LAMA2: variants seen among roughly 807,000 people sequenced by gnomAD.
The protein encoded by LAMA2 is laminin subunit alpha 2, also known as laminin subunit alpha-2.
A neutral mutation model predicts 364.8 loss-of-function variants in LAMA2; 269 were observed. That is an observed-to-expected ratio of 0.74 (90% CI 0.67 to 0.82). LAMA2 has a LOEUF of 0.82. Ranked by LOEUF, LAMA2 falls within the 40% of genes least tolerant of loss-of-function variation. LAMA2 has a pLI of 0.00. For missense variants in LAMA2, 3,807 were observed against 3,873.2 expected (o/e 0.98, Z 0.45); for synonymous variants, 1,379 against 1,370.6 (o/e 1.01, Z -0.14).
At chr6:129,471,036 C>T (rs1783786527) in intron 51 of LAMA2, among the ~76,000 whole-genome samples, 1 of 151,818 alleles carries the variant, frequency 6.6e-6, no homozygotes, top group African/African-American at 2.4e-5. Flanking sequence ...AAAGTAAAAA[C>T]ACTTAGCTTA....
chr6:129,409,117 G>A (rs1302944892), intron 40 of LAMA2, among the ~76,000 whole-genome samples: 1 of 152,176 alleles, frequency 6.6e-6, no homozygotes, highest in Non-Finnish European at 1.5e-5. Context: ...TTCCAAGCAA[G>A]TGCACAACCA....
chr6:129,096,646 TG>T (rs768868755), intron 3 of LAMA2, among the ~76,000 whole-genome samples: 4 of 152,204 alleles, frequency 2.6e-5, no homozygotes, highest in Non-Finnish European at 5.9e-5. Flanking sequence ...CTTGCTATGC[TG>T]GGGTCAATCA....
intron 1 of LAMA2, among the ~76,000 whole-genome samples, chr6:128,974,631 C>G (rs964880236): frequency 6.6e-6 from 1 of 152,190 alleles, no homozygotes; most frequent in African/African-American, 2.4e-5. Flanking sequence ...CATTCACACT[C>G]TTCTGCCAAT....
At chr6:129,189,964 A>G (rs1230915087) in intron 10 of LAMA2, among the ~76,000 whole-genome samples, 1 of 152,170 alleles carries the variant, frequency 6.6e-6, no homozygotes, top group African/African-American at 2.4e-5. Context: ...GAAGATCAAC[A>G]TAGTCACTTT....
At chr6:129,149,717 A>T (rs554164018) in intron 7 of LAMA2, among the ~76,000 whole-genome samples, 125 of 152,322 alleles carry the variant, frequency 8.2e-4, no homozygotes, top group Non-Finnish European at 1.0e-3. Context: ...TTCTCCATCC[A>T]TGGGTCTAAC....
At chr6:129,239,227 C>A (rs957366323) in intron 12 of LAMA2, among the ~76,000 whole-genome samples, 6 of 152,168 alleles carry the variant, frequency 3.9e-5, no homozygotes, top group African/African-American at 1.4e-4. Flanking sequence ...CTAAGTAATT[C>A]ACTCCTGTCA....
At position 129,312,954 on chromosome 6, in the gene LAMA2, T is replaced by C. The variant is rs1583469863; in HGVS notation, c.3268T>C (p.Cys1090Arg). ...TCATCCAAAATTCTCTGGTGCAAAA[T>C]GTACAGAGTGCAGTCGAGGTCACTG... ...NCHPKFSGAK[C>R]TECSRGHWNY... The change falls in exon 23 of 65, where the codon TGT becomes CGT. Residue 1090 changes from cysteine (C) to arginine (R), a missense_variant. Around this residue, in one of 3 missense-constraint regions of LAMA2, gnomAD observed 3,333 missense variants for 3,345.7 expected, o/e 1.00. Coordinates refer to ENST00000421865, the MANE Select transcript of LAMA2 (RefSeq NM_000426.4). The C allele has an allele frequency of 6.2e-7, 1 of 1,614,154 alleles. No individual in the cohort carries two copies. The highest frequency in any genetic ancestry group is 8.5e-7 in the Non-Finnish European group (1 of 1,180,002).
intron 32 of LAMA2, among the ~76,000 whole-genome samples, chr6:129,362,796 G>C (rs1777541934): frequency 6.6e-6 from 1 of 152,110 alleles, no homozygotes; most frequent in Non-Finnish European, 1.5e-5. Context: ...AGTAATTTTA[G>C]AATCATCAGG....
chr6:129,401,949 T>C (rs1361647042), intron 38 of LAMA2, among the ~76,000 whole-genome samples: 1 of 152,190 alleles, frequency 6.6e-6, no homozygotes, highest in Non-Finnish European at 1.5e-5. Flanking sequence ...GGCTCATGCC[T>C]GTAATCCCAG....
chr6:129,426,933 T>C (rs1314010075), intron 40 of LAMA2, among the ~76,000 whole-genome samples: 1 of 152,206 alleles, frequency 6.6e-6, no homozygotes, highest in Non-Finnish European at 1.5e-5. Context: ...CTCCAACCCT[T>C]CTTGCACTTG....
chr6:129,264,108 T>C (rs1787325564), intron 15 of LAMA2, among the ~76,000 whole-genome samples: 1 of 152,032 alleles, frequency 6.6e-6, no homozygotes. Context: ...TAGGAGGGCA[T>C]GAATAATAGG....
intron 1 of LAMA2, among the ~76,000 whole-genome samples, chr6:128,988,154 CTG>C (rs1363285263): frequency 6.6e-6 from 1 of 152,214 alleles, no homozygotes; most frequent in African/African-American, 2.4e-5. Context: ...GCATGAACCA[CTG>C]TGCCCGGCCT....
chr6:129,148,286 A>G (rs1221258580), intron 6 of LAMA2, among the ~76,000 whole-genome samples: 1 of 152,132 alleles, frequency 6.6e-6, no homozygotes, highest in Non-Finnish European at 1.5e-5. Flanking sequence ...TCTCACTCAT[A>G]AATGAGAGCT....
intron 2 of LAMA2, among the ~76,000 whole-genome samples, chr6:129,057,145 T>G (rs546813762): frequency 6.6e-6 from 1 of 152,328 alleles, no homozygotes; most frequent in East Asian, 1.9e-4. Context: ...TTCAAATGTT[T>G]TACCAAGTAC....
At chr6:129,352,336 T>C (rs1296009865) in intron 31 of LAMA2, among the ~76,000 whole-genome samples, 2 of 152,256 alleles carry the variant, frequency 1.3e-5, no homozygotes, top group East Asian at 1.9e-4. Context: ...AGTCAATTAA[T>C]GGACTGCATT....
intron 40 of LAMA2, among the ~76,000 whole-genome samples, chr6:129,418,326 A>G (rs553913601): frequency 3.9e-5 from 6 of 151,984 alleles, no homozygotes; most frequent in Admixed American, 6.6e-5. Context: ...TTTATACTCA[A>G]TATTCCATGA....
intron 58 of LAMA2, among the ~76,000 whole-genome samples, chr6:129,493,530 C>G (rs1185350789): frequency 1.3e-5 from 2 of 152,172 alleles, no homozygotes; most frequent in Admixed American, 1.3e-4. Context: ...ATATTAACAG[C>G]ACAGACATCA....
intron 1 of LAMA2, among the ~76,000 whole-genome samples, chr6:128,936,470 A>G (rs1041300781): frequency 5.9e-5 from 9 of 152,216 alleles, no homozygotes; most frequent in Non-Finnish European, 1.2e-4. Context: ...AGTGGTATAC[A>G]GTAGTCCCCC....
At chr6:129,072,765 GT>G in intron 3 of LAMA2, among the ~76,000 whole-genome samples, 1 of 151,754 alleles carries the variant, frequency 6.6e-6, no homozygotes, top group Middle Eastern at 3.4e-3. Flanking sequence ...GGTAACTTGC[GT>G]CCTTCATTTA....
Sources: allele counts gnomAD v4.1 joint callset (sites outside exome capture counted in the v4.1 genomes callset), GRCh38; gene constraint gnomAD v4.1.1; regional missense constraint gnomAD v4.1.1; transcripts MANE v1.5; gene names NCBI Gene and HGNC (gene_info 2026-07-23, HGNC 2026-07-21).